PPM1M: variants seen among roughly 807,000 people sequenced by gnomAD.
PPM1M encodes the protein protein phosphatase, Mg2+/Mn2+ dependent 1M.
Under a neutral mutation model 50.8 loss-of-function variants are expected in PPM1M, and 44 were observed. That is an observed-to-expected ratio of 0.87 (90% CI 0.68 to 1.11). PPM1M has a LOEUF of 1.11. Ranked by LOEUF, PPM1M falls within the 50% of genes most tolerant of loss-of-function variation. The pLI is 0.00. For missense variants in PPM1M, 556 were observed against 593.4 expected (o/e 0.94, Z 0.66); for synonymous variants, 224 against 242.9 (o/e 0.92, Z 0.72).
chr3:52,249,956 A>C lies in PPM1M; in HGVS notation c.*142A>C. 1 of 706,614 alleles carries C rather than the reference A, an allele frequency of 1.4e-6. No individual in the cohort carries two copies. The highest frequency in any genetic ancestry group is 2.7e-5 in the East Asian group (1 of 36,534). 43.8% of individuals were successfully genotyped at this position (706,614 alleles called of 1,614,324 possible). A position where few individuals can be genotyped will look rare whatever the true frequency, so the allele number is the denominator to read the frequency against. ...TCACTATCCACCTCAACACACATCC[A>C]TCTCAAGAGGAACATTTATACCAGG... On this transcript the variant is annotated 3_prime_UTR_variant, in exon 10 of 10. Transcript: ENST00000323588.
Position 52,245,976 on chromosome 3 carries a change from G to A in PPM1M, c.152G>A (p.Arg51His). The change falls in exon 1 of 10, where the codon CGC becomes CAC. Residue 51 changes from arginine (R) to histidine (H), a missense_variant. Physicochemically the swap from Arg to His is conservative, Grantham distance 29. Coordinates refer to ENST00000323588, the MANE Select transcript of PPM1M (RefSeq NM_144641.4). The surrounding 1 kb of genome is among the most constrained non-coding windows in gnomAD (Gnocchi z 4.8). Reference protein sequence around the residue: ...SSSPGAADASRRPDSRPVRSP... With the variant: ...SSSPGAADASHRPDSRPVRSP... Reference sequence around the variant, plus strand: ...AGCCCCGGGGCGGCCGACGCCTCGCGCCGCCCAGACTCCCGGCCCGTGCGC... The same window carrying A: ...AGCCCCGGGGCGGCCGACGCCTCGCACCGCCCAGACTCCCGGCCCGTGCGC... 1 of 1,247,754 alleles carries A rather than the reference G, an allele frequency of 8.0e-7. No individual in the cohort carries two copies. The highest frequency in any genetic ancestry group is 1.0e-6 in the Non-Finnish European group (1 of 969,812). 77.3% of individuals were successfully genotyped at this position (1,247,754 alleles called of 1,614,324 possible).
rs1699874511 is a variant in PPM1M at position 52,247,195 on chromosome 3, G to A, written c.564G>A (p.Val188=). 1.9e-6 allele frequency: 3 copies of A among 1,613,296 alleles called. No homozygotes were observed. Among genetic ancestry groups the A allele is most frequent in the Non-Finnish European group, 2.5e-6 (3 of 1,179,650 alleles). Residue 188 remains valine (V), a synonymous_variant, in exon 3 of 10, where the codon GTG becomes GTA. Transcript: ENST00000323588. ...EEKGIRAEDL[V]IGALESAFQE... is the part of the protein sequence containing the mutation. ...AGGGCATCAGGGCAGAAGACTTGGT[G>A]ATCGGGGCATTGGAGAGTGCCTTTC... is the stretch of plus-strand genomic sequence containing the variant.
chr3:52,246,031 G>A lies in PPM1M; in HGVS notation c.207G>A (p.Trp69Ter), dbSNP rs927449697. ...CCGCACGAGGACGCACGCTACCCTG[G>A]AATGCAGGCTACGCCGAGTGAGTGC... ...RSPARGRTLP[W>*]NAGYAEIINA... Residue 69 changes from tryptophan to a stop codon, truncating the protein, a stop_gained, in exon 1 of 10, where the codon TGG becomes TGA. Transcript: ENST00000323588. LOFTEE classifies it high-confidence loss of function. 2 of 1,215,230 alleles carry A rather than the reference G, an allele frequency of 1.6e-6. No homozygotes were observed. Among genetic ancestry groups the A allele is most frequent in the Admixed American group, 6.3e-5 (2 of 31,746 alleles). The allele number at this position is 1,215,230 out of a possible 1,614,324, so 75.3% of individuals were successfully genotyped here.
In PPM1M at chr3:52,247,235, G is replaced by T. The variant is rs1361691809; in HGVS notation, c.597+7G>T. 2 of 1,606,880 alleles carry T rather than the reference G, an allele frequency of 1.2e-6. No homozygotes were observed. The highest frequency in any genetic ancestry group is 2.2e-5 in the South Asian group (2 of 89,944). ...GAGTGCCTTTCAGGAATGTGTGAGT[G>T]TGTGGCTTTTGGCTGGGGAAGAAGT... On this transcript the variant is annotated splice_region_variant and intron_variant, in intron 3 of 9. Transcript: ENST00000323588.
rs1205378666 is a variant in PPM1M at position 52,248,969 on chromosome 3, G to A, written c.992G>A (p.Gly331Glu). ...HGQGRQARLL[G>E]TLAVSRGLGD... ...ACTTTCCCTCAGGCTCGGTTACTAGGAACACTGGCTGTCTCCCGGGGCCTG... is the reference window on the plus strand; with the variant it reads ...ACTTTCCCTCAGGCTCGGTTACTAGAAACACTGGCTGTCTCCCGGGGCCTG... The change falls in exon 8 of 10, where the codon GGA (glycine) becomes GAA (glutamate). Residue 331 changes from glycine to glutamate, a missense_variant. Coordinates refer to ENST00000323588, the MANE Select transcript of PPM1M (RefSeq NM_144641.4). 6.2e-7 allele frequency: 1 copy of A among 1,606,982 alleles called. No individual in the cohort carries two copies. The highest frequency in any genetic ancestry group is 2.2e-5 in the East Asian group (1 of 44,540).
Position 52,250,111 on chromosome 3 carries a change from T to C in PPM1M, c.*297T>C, listed in dbSNP as rs1699938916. The C allele has an allele frequency of 2.9e-6, 1 of 345,890 alleles. No homozygotes were observed. The highest frequency in any genetic ancestry group is 4.6e-5 in the South Asian group (1 of 21,666). The allele number at this position is 345,890 out of a possible 1,614,324, so 21.4% of individuals were successfully genotyped here. A position where few individuals can be genotyped will look rare whatever the true frequency, so the allele number is the denominator to read the frequency against. Reference sequence around the variant, plus strand: ...ATGTGAGGCTCCTCAGACAGGATCTTGAACAGCCCAAAGTATCATTCTCAG... The same window carrying C: ...ATGTGAGGCTCCTCAGACAGGATCTCGAACAGCCCAAAGTATCATTCTCAG... On this transcript the variant is annotated 3_prime_UTR_variant, in exon 10 of 10. Coordinates refer to ENST00000323588, the MANE Select transcript of PPM1M (RefSeq NM_144641.4).
At position 52,247,394 on chromosome 3, in the gene PPM1M, C is replaced by A. The variant is rs543451089; in HGVS notation, c.597+166C>A. 1.1e-4 allele frequency: 115 copies of A among 1,006,536 alleles called. No individual in the cohort carries two copies. The African/African-American group carries it at 1.7e-3, about 15-fold the overall frequency. The allele number at this position is 1,006,536 out of a possible 1,614,324, so 62.4% of individuals were successfully genotyped here. On this transcript the variant is annotated intron_variant, in intron 3 of 9. Transcript: ENST00000323588. The stretch of plus-strand genomic sequence containing the variant: ...AACAGCCATCACTATCAGCATAACC[C>A]CTCTCATTTATCCAGCACCTACTGT...
chr3:52,246,502 G>A, intron 1 of PPM1M, 193 bp from the exon 2 acceptor site: 1 of 548,094 alleles, frequency 1.8e-6, no homozygotes, highest in South Asian at 2.0e-5. Flanking sequence ...GCTGGGCCCT[G>A]ACTTTTACCT....
Position 52,249,021 on chromosome 3 carries a change from C to T in PPM1M, c.1044C>T (p.Asp348=). Residue 348 remains aspartate, a synonymous_variant, in exon 8 of 10, where the codon GAC becomes GAT. Coordinates refer to ENST00000323588, the MANE Select transcript of PPM1M (RefSeq NM_144641.4). ...GAGACCATCAGCTCAGAGTCCTGGA[C>T]ACAAACATCCAGCTCAAGCCCTTCT... ...GLGDHQLRVL[D]TNIQLKPFLL... 1.2e-6 allele frequency: 2 copies of T among 1,611,380 alleles called. No individual in the cohort carries two copies. The highest frequency in any genetic ancestry group is 4.5e-5 in the East Asian group (2 of 44,772).
Position 52,249,981 on chromosome 3 carries a change from GCAGT to G in PPM1M, c.*171_*174del. 1 of 643,294 alleles carries G rather than the reference GCAGT, an allele frequency of 1.6e-6. No homozygotes were observed. The highest frequency in any genetic ancestry group is 2.7e-6 in the Non-Finnish European group (1 of 372,476). The allele number at this position is 643,294 out of a possible 1,614,324, so 39.8% of individuals were successfully genotyped here. A position where few individuals can be genotyped will look rare whatever the true frequency, so the allele number is the denominator to read the frequency against. ...ATCTCAAGAGGAACATTTATACCAG[GCAGT>G]CAGAGCTGGAAGTGTATGGAGAGCC... is the stretch of plus-strand genomic sequence containing the variant. On this transcript the variant is annotated 3_prime_UTR_variant, in exon 10 of 10. Transcript: ENST00000323588.
rs764649883 is a variant in PPM1M, at chr3:52,248,363, G to A, written c.824G>A (p.Gly275Asp). ...TTTGTCTATCCTGAGCTTCTGGCTG[G>A]TGAGTTCACCCGACTGGAGTTCCCT... ...LAFVYPELLAGEFTRLEFPRR... is the reference protein window; with the variant it reads ...LAFVYPELLADEFTRLEFPRR... Residue 275 changes from glycine (G) to aspartate (D), a missense_variant, in exon 6 of 10, where the codon GGT (glycine) becomes GAT (aspartate). Gly to Asp is a moderately conservative substitution (Grantham distance 94). Transcript: ENST00000323588. The A allele has an allele frequency of 8.1e-6, 13 of 1,613,322 alleles. No homozygotes were observed. The highest frequency in any genetic ancestry group is 1.1e-5 in the Non-Finnish European group (13 of 1,179,658).
chr3:52,249,498 T>TA, intron 9 of PPM1M, 172 bp from the exon 10 acceptor site: 2 of 1,255,718 alleles, frequency 1.6e-6, no homozygotes, highest in Non-Finnish European at 2.2e-6. Context: ...TCCCTGGATT[T>TA]AGACTCTCAT....
At chr3:52,249,391 TGAG>T (rs1699923459) in intron 9 of PPM1M, 69 bp downstream of exon 9, 5 of 1,535,862 alleles carry the variant, frequency 3.3e-6, no homozygotes, top group Non-Finnish European at 4.4e-6. Context: ...TAGTTATGGC[TGAG>T]AAGACAGAGC....
In PPM1M at chr3:52,248,392, C is replaced by T. The variant is rs779981481; in HGVS notation, c.853C>T (p.Arg285Trp). The T allele has an allele frequency of 3.3e-5, 53 of 1,613,548 alleles. No individual in the cohort carries two copies. The highest frequency in any genetic ancestry group is 4.2e-5 in the Non-Finnish European group (50 of 1,179,786). The change falls in exon 6 of 10, where the codon CGG (arginine) becomes TGG (tryptophan). Residue 285 changes from arginine (R) to tryptophan (W), a missense_variant. Coordinates refer to ENST00000323588, the MANE Select transcript of PPM1M (RefSeq NM_144641.4). The stretch of plus-strand genomic sequence containing the variant: ...GTTCACCCGACTGGAGTTCCCTCGG[C>T]GGCTGAAGGGGGATGACTTGGGACA... ...GEFTRLEFPR[R>W]LKGDDLGQKV...
intron 1 of PPM1M, chr3:52,246,471 C>G: frequency 4.3e-6 from 3 of 695,128 alleles, no homozygotes; most frequent in Non-Finnish European, 6.1e-6. Flanking sequence ...AGCCCTGGGT[C>G]ACCAGGTAGG....
chr3:52,248,522 G>T (rs773461299), intron 6 of PPM1M, 69 bp downstream of exon 6: 112 of 1,589,992 alleles, frequency 7.0e-5, no homozygotes, highest in Non-Finnish European at 9.4e-5. Flanking sequence ...ATGGCCTGGG[G>T]CCCCCCTCCA....
chr3:52,248,502 GCCCAGCCGTATGGCCTGGGGCCCCCCT>G (rs1699903859), intron 6 of PPM1M, 49 bp downstream of exon 6: 2 of 1,598,526 alleles, frequency 1.3e-6, no homozygotes, highest in Admixed American at 1.7e-5. Context: ...TGGGATCCAG[GCCCAGCCGTATGGCCTGGGGCCCCCCT>G]CCACCTTGGC....
chr3:52,248,709 C>T lies in PPM1M; in HGVS notation c.978+9C>T. On this transcript the variant is annotated intron_variant, in intron 7 of 9. Coordinates refer to ENST00000323588, the MANE Select transcript of PPM1M (RefSeq NM_144641.4). ...ATGGACAGGGTAGGCAGGTCAGTGC[C>T]TGGTCCTCCTCAACCCCAAGAATCC... 6.2e-7 allele frequency: 1 copy of T among 1,613,472 alleles called. No individual in the cohort carries two copies. The highest frequency in any genetic ancestry group is 1.7e-5 in the Admixed American group (1 of 60,020).
chr3:52,247,061 T>A lies in PPM1M; in HGVS notation c.430T>A (p.Leu144Met). Residue 144 changes from leucine (L) to methionine (M), a missense_variant, in exon 3 of 10, where the codon TTG (leucine) becomes ATG (methionine). Transcript: ENST00000323588. The part of the protein sequence containing the change: ...ILAANTLHSC[L>M]RRQLEAVVEG... Reference sequence around the variant, plus strand: ...GGCTGCCAACACCCTGCACTCCTGCTTGCGCCGGCAGCTGGAGGCCGTGGT... The same window carrying A: ...GGCTGCCAACACCCTGCACTCCTGCATGCGCCGGCAGCTGGAGGCCGTGGT... 1 of 1,562,548 alleles carries A rather than the reference T, an allele frequency of 6.4e-7. No individual in the cohort carries two copies.
Sources: gnomAD v4.1 joint callset for allele counts on GRCh38, gnomAD v4.1.1 for gene constraint, Gnocchi (gnomAD v3.1) non-coding constraint, MANE v1.5 for transcripts, NCBI Gene and HGNC (gene_info 2026-07-23, HGNC 2026-07-21) for gene names.